Variants in SORCS1 observed in about 807,000 individuals in gnomAD.
The protein encoded by SORCS1 is sortilin related VPS10 domain containing receptor 1.
A neutral mutation model predicts 146.1 loss-of-function variants in SORCS1; 60 were observed. The observed-to-expected ratio is 0.41, with a 90% CI of 0.33 to 0.51. The LOEUF (loss-of-function observed/expected upper bound fraction) is 0.51. Among genes scored for constraint, SORCS1 ranks in the 20% least tolerant of loss-of-function variants. SORCS1 has a pLI of 0.21. For missense variants in SORCS1, 1,352 were observed against 1,487.6 expected, an observed-to-expected ratio of 0.91 and a Z score of 1.50; for synonymous variants, 637 against 584.0, an observed-to-expected ratio of 1.09 and a Z score of -1.31.
intron 18 of SORCS1, among the ~76,000 whole-genome samples, chr10:106,639,129 G>A (rs772464443): frequency 2.0e-5 from 3 of 152,178 alleles, no homozygotes; most frequent in South Asian, 2.1e-4. Flanking sequence ...AGGACTGAGC[G>A]GCTGAGCAGA....
At chr10:107,104,614 G>C (rs982840083) in intron 1 of SORCS1, among the ~76,000 whole-genome samples, 1 of 152,210 alleles carries the variant, frequency 6.6e-6, no homozygotes, top group Non-Finnish European at 1.5e-5. Context: ...CAGAGCCAGA[G>C]ATGTCCATTC....
At chr10:106,731,427 T>C (rs1379789858) in intron 5 of SORCS1, among the ~76,000 whole-genome samples, 6 of 152,050 alleles carry the variant, frequency 3.9e-5, no homozygotes. Context: ...ATGTTGCCAT[T>C]GTCTGAAAGT....
chr10:106,680,353 G>A (rs1852343923), intron 10 of SORCS1, among the ~76,000 whole-genome samples: 1 of 152,198 alleles, frequency 6.6e-6, no homozygotes, highest in Non-Finnish European at 1.5e-5. Flanking sequence ...GTCAAGCTGG[G>A]AGGATTTTGA....
intron 1 of SORCS1, among the ~76,000 whole-genome samples, chr10:107,132,499 G>A (rs1265668638): frequency 1.3e-5 from 2 of 152,120 alleles, no homozygotes; most frequent in African/African-American, 2.4e-5. Context: ...CCATCATGGT[G>A]GCAAGCAATC....
chr10:107,148,342 T>C (rs1307152612), intron 1 of SORCS1, among the ~76,000 whole-genome samples: 1 of 152,246 alleles, frequency 6.6e-6, no homozygotes, highest in African/African-American at 2.4e-5. Flanking sequence ...TATTCAACTT[T>C]GTTGTTGTAG....
intron 5 of SORCS1, among the ~76,000 whole-genome samples, chr10:106,761,050 G>A (rs753936571): frequency 3.8e-4 from 57 of 151,950 alleles, no homozygotes; most frequent in Non-Finnish European, 6.6e-4. Context: ...GAAGTTGCAG[G>A]GAGCTCAGAC....
intron 1 of SORCS1, among the ~76,000 whole-genome samples, chr10:106,995,138 C>T (rs1453962696): frequency 6.6e-6 from 1 of 151,834 alleles, no homozygotes; most frequent in Non-Finnish European, 1.5e-5. Context: ...TGGTGAAACC[C>T]CGCCTCTACT....
At chr10:106,813,045 C>T (rs534477236) in intron 3 of SORCS1, among the ~76,000 whole-genome samples, 22 of 151,674 alleles carry the variant, frequency 1.5e-4, no homozygotes, top group Non-Finnish European at 2.5e-4. Context: ...CAAACATCAG[C>T]GAACTGTATT....
At chr10:107,019,551 G>C (rs994571327) in intron 1 of SORCS1, among the ~76,000 whole-genome samples, 5 of 152,212 alleles carry the variant, frequency 3.3e-5, no homozygotes, top group Non-Finnish European at 7.3e-5. Context: ...CTGAGAAAGA[G>C]AGAGCTCATT....
chr10:106,688,098 G>T, intron 10 of SORCS1, 94 bp downstream of exon 10: 1 of 1,506,928 alleles, frequency 6.6e-7, no homozygotes, highest in Non-Finnish European at 8.9e-7. Context: ...TTCATCAACT[G>T]AGCAAAAGTC....
At chr10:106,868,009 G>A (rs1950281256) in intron 2 of SORCS1, among the ~76,000 whole-genome samples, 2 of 152,006 alleles carry the variant, frequency 1.3e-5, no homozygotes, top group South Asian at 4.2e-4. Flanking sequence ...AAGAAATGGA[G>A]GAAAATCAAA....
At chr10:107,000,154 A>T (rs1336340962) in intron 1 of SORCS1, among the ~76,000 whole-genome samples, 2 of 152,202 alleles carry the variant, frequency 1.3e-5, no homozygotes, top group Non-Finnish European at 2.9e-5. Flanking sequence ...GAAATAAATA[A>T]TTTTTTAAAA....
Position 106,629,302 on chromosome 10 carries a change from C to T in SORCS1, c.2562G>A (p.Gly854=), listed in dbSNP as rs1475257154. ...CCACGTTCTGATAGACGTGTTTGAT[C>T]CCATCTTCCATGGAGCTGAGATTGA... ...SYVNLSSMED[G]IKHVYQNVGI... Residue 854 remains glycine (G), a synonymous_variant, in exon 19 of 26, where the codon GGG becomes GGA. Transcript: ENST00000263054. The T allele has an allele frequency of 4.3e-6, 7 of 1,614,136 alleles. No homozygotes were observed. The South Asian group carries it at 6.6e-5, about 15-fold the overall frequency.
chr10:107,005,451 GGTTT>G (rs759787245), intron 1 of SORCS1, among the ~76,000 whole-genome samples: 4 of 152,040 alleles, frequency 2.6e-5, no homozygotes, highest in East Asian at 3.9e-4. Context: ...GAGAAATTAT[GGTTT>G]TTTTTGAAAA....
intron 1 of SORCS1, among the ~76,000 whole-genome samples, chr10:107,046,839 T>C (rs1054466024): frequency 1.3e-5 from 2 of 152,160 alleles, no homozygotes; most frequent in Non-Finnish European, 2.9e-5. Flanking sequence ...CCAGTTAGCA[T>C]AGAAGGTATG....
intron 17 of SORCS1, among the ~76,000 whole-genome samples, chr10:106,662,966 G>C (rs1391523175): frequency 2.0e-5 from 3 of 152,190 alleles, no homozygotes; most frequent in Non-Finnish European, 2.9e-5. Context: ...ACCCAGGTCT[G>C]AGACGTACCC....
chr10:106,709,062 C>T (rs1196467694), intron 7 of SORCS1, among the ~76,000 whole-genome samples, 161 bp downstream of exon 7: 1 of 152,098 alleles, frequency 6.6e-6, no homozygotes, highest in Non-Finnish European at 1.5e-5. Context: ...ACTAATTATC[C>T]TTTTATTGAA....
chr10:107,164,316 G>T lies in SORCS1; in HGVS notation c.211C>A (p.Pro71Thr). 6.4e-7 allele frequency: 1 copy of T among 1,566,244 alleles called. No homozygotes were observed. Among genetic ancestry groups the T allele is most frequent in the Non-Finnish European group, 8.6e-7 (1 of 1,159,628 alleles). ...RPGRAPATPLPLVVRPLFSVA... is the reference protein window; with the variant it reads ...RPGRAPATPLTLVVRPLFSVA... ...GAGAACAGGGGACGCACTACGAGGG[G>T]CAGGGGCGTGGCAGGAGCCCTGCCT... Residue 71 changes from proline to threonine, a missense_variant, in exon 1 of 26, where the codon CCC (proline) becomes ACC (threonine). Transcript: ENST00000263054. This position sits in a 1 kb window ranked among gnomAD's most constrained non-coding sequence, Gnocchi z 6.8.
At chr10:106,581,128 T>C (rs1844880624) in intron 24 of SORCS1, among the ~76,000 whole-genome samples, 1 of 152,208 alleles carries the variant, frequency 6.6e-6, no homozygotes, top group African/African-American at 2.4e-5. Context: ...ACTGGTAGGA[T>C]GTCATCAGGG....
Sources: allele counts gnomAD v4.1 joint callset (sites outside exome capture counted in the v4.1 genomes callset), GRCh38; gene constraint gnomAD v4.1.1; non-coding constraint Gnocchi (gnomAD v3.1); transcripts MANE v1.5; gene names NCBI Gene and HGNC (gene_info 2026-07-23, HGNC 2026-07-21).